The following SCAI variants were observed in gnomAD, a reference collection of about 807,000 sequenced individuals.
SCAI encodes the protein protein SCAI.
In SCAI, 24 loss-of-function variants were observed where a neutral mutation model predicts 92.2. That is an observed-to-expected ratio of 0.26 (90% CI 0.19 to 0.37). The LOEUF (loss-of-function observed/expected upper bound fraction) is 0.37, where lower values mean the gene tolerates loss of function less well. SCAI is among the 10% of genes least tolerant of loss of function. The pLI is 1.00. For synonymous variants in SCAI, 261 were observed against 258.6 expected (o/e 1.01, Z -0.09); for missense variants, 450 against 736.2 (o/e 0.61, Z 4.50).
chr9:125,128,922 G>C (rs968365327), intron 2 of SCAI, among the ~76,000 whole-genome samples: 46 of 151,810 alleles, frequency 3.0e-4, no homozygotes, highest in African/African-American at 1.1e-3. Context: ...AATTTGCTGG[G>C]TGTGGTGGTG....
chr9:124,970,466 C>T (rs1368360159), intron 17 of SCAI, among the ~76,000 whole-genome samples: 1 of 151,856 alleles, frequency 6.6e-6, no homozygotes, highest in Non-Finnish European at 1.5e-5. Context: ...TGCCAATAAT[C>T]CCAGCGCTTT....
intron 2 of SCAI, among the ~76,000 whole-genome samples, chr9:125,136,854 A>G (rs1185391035): frequency 6.7e-6 from 1 of 149,002 alleles, no homozygotes; most frequent in Admixed American, 6.8e-5. Context: ...ACCTTCTCCC[A>G]GGTTCAAGTG....
intron 2 of SCAI, among the ~76,000 whole-genome samples, chr9:125,140,620 A>T: frequency 6.7e-6 from 1 of 149,012 alleles, no homozygotes; most frequent in Non-Finnish European, 1.5e-5. Flanking sequence ...TTAGTAGGCC[A>T]AGGTGGTTGG....
intron 2 of SCAI, among the ~76,000 whole-genome samples, chr9:125,085,442 G>C (rs933367655): frequency 6.6e-6 from 1 of 152,048 alleles, no homozygotes; most frequent in Admixed American, 6.6e-5. Flanking sequence ...AGCCGAGAGT[G>C]CACCACTGCA....
chr9:124,981,550 TTTAG>T (rs1333576985), intron 14 of SCAI, among the ~76,000 whole-genome samples: 5 of 152,232 alleles, frequency 3.3e-5, no homozygotes, highest in African/African-American at 1.2e-4. Flanking sequence ...GGTTCAGTGC[TTTAG>T]TTAAGAACAC....
At chr9:125,078,569 G>A (rs1343261557) in intron 2 of SCAI, among the ~76,000 whole-genome samples, 1 of 151,998 alleles carries the variant, frequency 6.6e-6, no homozygotes, top group African/African-American at 2.4e-5. Flanking sequence ...AAAGACAGTA[G>A]TCTGCTGGTT....
intron 17 of SCAI, among the ~76,000 whole-genome samples, chr9:124,969,188 T>C (rs1831602586): frequency 6.6e-6 from 1 of 152,136 alleles, no homozygotes; most frequent in African/African-American, 2.4e-5. Flanking sequence ...GAAGTGATGC[T>C]CCTGTCTCGG....
At chr9:124,965,973 A>AT (rs1345337986) in intron 17 of SCAI, among the ~76,000 whole-genome samples, 10 of 152,226 alleles carry the variant, frequency 6.6e-5, no homozygotes, top group Admixed American at 5.9e-4. Context: ...AATGACAGGC[A>AT]TTCTAAGCAG....
At chr9:125,025,723 C>T (rs569954747) in intron 6 of SCAI, among the ~76,000 whole-genome samples, 3 of 152,318 alleles carry the variant, frequency 2.0e-5, no homozygotes, top group East Asian at 3.9e-4. Flanking sequence ...GCACCCCTTA[C>T]ATGTGCCATG....
At chr9:125,044,292 T>C (rs867088722) in intron 3 of SCAI, among the ~76,000 whole-genome samples, 2 of 152,076 alleles carry the variant, frequency 1.3e-5, no homozygotes, top group African/African-American at 4.8e-5. Context: ...TGGCCTCCCA[T>C]GGACCAATCA....
intron 2 of SCAI, among the ~76,000 whole-genome samples, chr9:125,135,622 C>T (rs1012136485): frequency 7.3e-5 from 11 of 151,714 alleles, no homozygotes; most frequent in African/African-American, 2.7e-4. Flanking sequence ...GACTGCACTC[C>T]GGTCTGGGAA....
intron 14 of SCAI, among the ~76,000 whole-genome samples, chr9:124,985,764 G>C (rs759213965): frequency 2.0e-5 from 3 of 151,886 alleles, no homozygotes; most frequent in Non-Finnish European, 2.9e-5. Flanking sequence ...CTACTTGGGA[G>C]GCTGAGGAGA....
intron 2 of SCAI, among the ~76,000 whole-genome samples, chr9:125,124,376 G>C (rs1403172136): frequency 6.6e-6 from 1 of 152,138 alleles, no homozygotes; most frequent in African/African-American, 2.4e-5. Context: ...CAGTCAGTAA[G>C]CTAGAGACCC....
At chr9:124,977,335 T>C (rs908494087) in intron 14 of SCAI, among the ~76,000 whole-genome samples, 3 of 152,104 alleles carry the variant, frequency 2.0e-5, no homozygotes, top group African/African-American at 7.2e-5. Context: ...AAGAGAACTC[T>C]GAAAAAGAGC....
At chr9:124,963,647 T>C (rs577131432) in intron 17 of SCAI, among the ~76,000 whole-genome samples, 2 of 148,620 alleles carry the variant, frequency 1.3e-5, no homozygotes, top group East Asian at 4.1e-4. Context: ...CTACTCAGGA[T>C]GCTGAGGCAG....
At chr9:125,065,749 T>C (rs529963849) in intron 2 of SCAI, among the ~76,000 whole-genome samples, 5 of 152,326 alleles carry the variant, frequency 3.3e-5, no homozygotes, top group African/African-American at 1.2e-4. Flanking sequence ...ATTGGACTTA[T>C]TTTAGGAATG....
intron 2 of SCAI, among the ~76,000 whole-genome samples, chr9:125,096,504 CA>C (rs1325791413): frequency 6.6e-6 from 1 of 152,190 alleles, no homozygotes; most frequent in African/African-American, 2.4e-5. Flanking sequence ...CTGGCAGTGA[CA>C]ACTCTTAGGT....
chr9:124,962,155 T>C (rs1031548407), intron 17 of SCAI, among the ~76,000 whole-genome samples: 3 of 136,752 alleles, frequency 2.2e-5, no homozygotes, highest in Non-Finnish European at 3.1e-5. Flanking sequence ...TATGTCTTTT[T>C]TTTTTTTTTT....
At chr9:125,022,723 G>A (rs1180442844) in intron 6 of SCAI, among the ~76,000 whole-genome samples, 1 of 152,122 alleles carries the variant, frequency 6.6e-6, no homozygotes, top group Non-Finnish European at 1.5e-5. Context: ...TGGCCTCGAA[G>A]AGTCTCTTAA....
Sources: allele counts gnomAD v4.1 joint callset (sites outside exome capture counted in the v4.1 genomes callset), GRCh38; gene constraint gnomAD v4.1.1; transcripts MANE v1.5; gene names NCBI Gene and HGNC (gene_info 2026-07-23, HGNC 2026-07-21).